Variants in NALF1 observed in about 807,000 individuals in gnomAD.
NALF1 encodes the protein family with sequence similarity 155 member A.
In NALF1, 3 loss-of-function variants were observed where a neutral mutation model predicts 48.4. That is an observed-to-expected ratio of 0.06 (90% CI 0.03 to 0.16). NALF1 has a LOEUF of 0.16. NALF1 is among the 10% of genes least tolerant of loss of function. NALF1 has a pLI of 1.00. For synonymous variants in NALF1, 262 were observed against 245.7 expected (o/e 1.07, Z -0.62); for missense variants, 526 against 571.5 (o/e 0.92, Z 0.81).
chr13:107,564,611 C>T (rs781362442), intron 1 of NALF1, among the ~76,000 whole-genome samples: 2 of 152,120 alleles, frequency 1.3e-5, no homozygotes, highest in Non-Finnish European at 2.9e-5. Flanking sequence ...CTCAGACAAA[C>T]GCTCCACATA....
At chr13:107,335,105 C>T (rs926713791) in intron 1 of NALF1, among the ~76,000 whole-genome samples, 6 of 152,150 alleles carry the variant, frequency 3.9e-5, no homozygotes, top group South Asian at 2.1e-4. Context: ...GAGAGAATGC[C>T]GTTCCCTCCT....
intron 2 of NALF1, among the ~76,000 whole-genome samples, chr13:107,186,514 C>T (rs764238658): frequency 1.4e-4 from 22 of 152,084 alleles, no homozygotes; most frequent in East Asian, 5.8e-4. Flanking sequence ...ACTACAGGTG[C>T]GTGCCACCAC....
intron 1 of NALF1, among the ~76,000 whole-genome samples, chr13:107,514,563 T>C (rs1876000541): frequency 6.6e-6 from 1 of 152,190 alleles, no homozygotes; most frequent in Admixed American, 6.5e-5. Context: ...GAGTACAAAA[T>C]ACATGGCTCT....
chr13:107,655,399 T>C (rs1195236470), intron 1 of NALF1, among the ~76,000 whole-genome samples: 1 of 152,014 alleles, frequency 6.6e-6, no homozygotes, highest in African/African-American at 2.4e-5. Flanking sequence ...ATTCAACCCC[T>C]TTCCAAATAG....
At chr13:107,452,834 G>T (rs772692944) in intron 1 of NALF1, among the ~76,000 whole-genome samples, 1 of 152,160 alleles carries the variant, frequency 6.6e-6, no homozygotes, top group Admixed American at 6.5e-5. Context: ...TACAAAGGGG[G>T]TAAAGGCCTT....
chr13:107,204,999 CT>C lies in NALF1; in HGVS notation c.1087+5584del, dbSNP rs66730624. Among the ~76,000 whole-genome samples, 469 of 149,028 alleles carry C rather than the reference CT, an allele frequency of 3.1e-3. 3 individuals are homozygous for C. The highest frequency in any genetic ancestry group is 0.01 in the African/African-American group (417 of 40,572). On this transcript the variant is annotated intron_variant, in intron 2 of 2. Coordinates refer to ENST00000375915, the MANE Select transcript of NALF1 (RefSeq NM_001080396.3). ...TGAAATTTTCCTCTAATGAGAACAT[CT>C]TTTTTTTTTCTTTTATTATTATACT...
chr13:107,441,049 C>G (rs1158415238), intron 1 of NALF1, among the ~76,000 whole-genome samples: 1 of 152,176 alleles, frequency 6.6e-6, no homozygotes, highest in Non-Finnish European at 1.5e-5. Flanking sequence ...GTTGCAAGGT[C>G]TGTTAGGATA....
At chr13:107,451,797 C>T (rs1263068618) in intron 1 of NALF1, among the ~76,000 whole-genome samples, 1 of 152,188 alleles carries the variant, frequency 6.6e-6, no homozygotes, top group East Asian at 1.9e-4. Flanking sequence ...TAAGTGACAT[C>T]TCTGATACTT....
At chr13:107,700,036 C>A (rs1253977915) in intron 1 of NALF1, among the ~76,000 whole-genome samples, 2 of 152,058 alleles carry the variant, frequency 1.3e-5, no homozygotes, top group East Asian at 3.9e-4. Flanking sequence ...ATCCCATGTT[C>A]ATGGATCAAA....
At chr13:107,291,622 T>G (rs1881622817) in intron 1 of NALF1, among the ~76,000 whole-genome samples, 1 of 152,192 alleles carries the variant, frequency 6.6e-6, no homozygotes, top group African/African-American at 2.4e-5. Flanking sequence ...CCAGATACTT[T>G]GGATAAGGGA....
At chr13:107,756,387 G>T (rs1877093062) in intron 1 of NALF1, among the ~76,000 whole-genome samples, 1 of 150,056 alleles carries the variant, frequency 6.7e-6, no homozygotes, top group African/African-American at 2.5e-5. Flanking sequence ...GTAGGGTAGA[G>T]ACTAGCATTT....
chr13:107,648,306 T>G (rs1167555565), intron 1 of NALF1, among the ~76,000 whole-genome samples: 1 of 152,130 alleles, frequency 6.6e-6, no homozygotes, highest in East Asian at 1.9e-4. Flanking sequence ...ATAATTTCAC[T>G]GTCATAAACA....
intron 1 of NALF1, among the ~76,000 whole-genome samples, chr13:107,594,070 T>C (rs976502784): frequency 6.6e-6 from 1 of 151,908 alleles, no homozygotes; most frequent in African/African-American, 2.4e-5. Context: ...CATTCATTCA[T>C]CTCCTTTTCT....
At chr13:107,426,431 G>C (rs1016545841) in intron 1 of NALF1, among the ~76,000 whole-genome samples, 18 of 152,174 alleles carry the variant, frequency 1.2e-4, no homozygotes, top group Non-Finnish European at 1.9e-4. Context: ...CTGACGGACA[G>C]GACAAATATT....
intron 1 of NALF1, among the ~76,000 whole-genome samples, chr13:107,260,767 C>T (rs1193392451): frequency 6.6e-6 from 1 of 152,226 alleles, no homozygotes; most frequent in African/African-American, 2.4e-5. Flanking sequence ...CTGTGGCTGA[C>T]AGCAGTGTGT....
intron 1 of NALF1, among the ~76,000 whole-genome samples, chr13:107,498,151 C>G (rs1875399228): frequency 6.6e-6 from 1 of 151,858 alleles, no homozygotes; most frequent in Admixed American, 6.6e-5. Flanking sequence ...TATGTGTAAA[C>G]AAGAAAAAAG....
chr13:107,420,328 C>T (rs1384055878), intron 1 of NALF1, among the ~76,000 whole-genome samples: 2 of 152,030 alleles, frequency 1.3e-5, no homozygotes, highest in African/African-American at 4.8e-5. Context: ...TCATACATTG[C>T]TAACGTGATA....
chr13:107,529,484 A>C lies in NALF1; in HGVS notation c.916-318729T>G, dbSNP rs188246404. ...ACAGCAAATTATTTGGTAATCTTAGATGTTCCTCAAACTTTCTGCTTTTGA... is the reference window on the plus strand; with the variant it reads ...ACAGCAAATTATTTGGTAATCTTAGCTGTTCCTCAAACTTTCTGCTTTTGA... On this transcript the variant is annotated intron_variant, in intron 1 of 2. Transcript: ENST00000375915. Among the ~76,000 whole-genome samples, 200 of 152,266 alleles carry C rather than the reference A, an allele frequency of 1.3e-3. 2 individuals are homozygous for C. The highest frequency in any genetic ancestry group is 0.013 in the South Asian group (61 of 4,830).
rs115648445 is a variant in NALF1, at chr13:107,841,077, A to G, written c.915+24605T>C. Among the ~76,000 whole-genome samples, 642 of 152,260 alleles carry G rather than the reference A, an allele frequency of 4.2e-3. 5 individuals carry two copies. The highest frequency in any genetic ancestry group is 0.015 in the African/African-American group (614 of 41,564). ...GGGGTCATCATCCATGTATTCACTCATTTACTCAACAAAAGTGAATTGCAC... is the reference window on the plus strand; with the variant it reads ...GGGGTCATCATCCATGTATTCACTCGTTTACTCAACAAAAGTGAATTGCAC... On this transcript the variant is annotated intron_variant, in intron 1 of 2. Coordinates refer to ENST00000375915, the MANE Select transcript of NALF1 (RefSeq NM_001080396.3).
Sources: allele counts gnomAD v4.1 joint callset (sites outside exome capture counted in the v4.1 genomes callset), GRCh38; gene constraint gnomAD v4.1.1; transcripts MANE v1.5; gene names NCBI Gene and HGNC (gene_info 2026-07-23, HGNC 2026-07-21).